Variants in EPB41L1 observed in about 807,000 individuals in gnomAD.
The protein encoded by EPB41L1 is band 4.1-like protein 1.
A neutral mutation model predicts 97.8 loss-of-function variants in EPB41L1; 29 were observed. That is an observed-to-expected ratio of 0.30 (90% CI 0.22 to 0.40). EPB41L1 has a LOEUF of 0.40. Among genes scored for constraint, EPB41L1 ranks in the 10% least tolerant of loss-of-function variants. The probability of loss-of-function intolerance (pLI) is 1.00; values close to 1 mark genes in which losing one functional copy is unlikely to be tolerated. For missense variants in EPB41L1, 812 were observed against 1,162.3 expected, an observed-to-expected ratio of 0.70 and a Z score of 4.38; for synonymous variants, 383 against 459.2, an observed-to-expected ratio of 0.83 and a Z score of 2.12.
At chr20:36,137,291 G>A (rs372353806) in intron 2 of EPB41L1, among the ~76,000 whole-genome samples, 4 of 151,922 alleles carry the variant, frequency 2.6e-5, no homozygotes, top group African/African-American at 9.7e-5. Context: ...GCCCAGGCTG[G>A]TCTCAAACTC....
At chr20:36,214,254 C>A in intron 16 of EPB41L1, 103 bp from the exon 17 acceptor site, 1 of 859,542 alleles carries the variant, frequency 1.2e-6, no homozygotes, top group South Asian at 1.5e-5. Context: ...GATGTTCACT[C>A]ACACAGCCTG....
At chr20:36,144,647 T>C (rs950047295) in intron 2 of EPB41L1, among the ~76,000 whole-genome samples, 3 of 151,982 alleles carry the variant, frequency 2.0e-5, no homozygotes, top group Admixed American at 6.6e-5. Flanking sequence ...GGACAGGAAA[T>C]AGAATGGCTG....
intron 2 of EPB41L1, among the ~76,000 whole-genome samples, chr20:36,148,329 C>T (rs2145403857): frequency 6.6e-6 from 1 of 152,248 alleles, no homozygotes; most frequent in South Asian, 2.1e-4. Flanking sequence ...TATTTCTAGC[C>T]AGAGGAGTTG....
chr20:36,207,805 C>T lies in EPB41L1; in HGVS notation c.1669-1683C>T. 7.8e-7 allele frequency: 1 copy of T among 1,277,872 alleles called. No homozygotes were observed. The highest frequency in any genetic ancestry group is 1.0e-6 in the Non-Finnish European group (1 of 981,608). 79.2% of individuals were successfully genotyped at this position (1,277,872 alleles called of 1,614,324 possible). On this transcript the variant is annotated intron_variant, in intron 14 of 21. Transcript: ENST00000338074. This position sits in a 1 kb window ranked among gnomAD's most constrained non-coding sequence, Gnocchi z 4.9. ...GGTAACTGGCCGCGTGAGCCCCCGC[C>T]CCCACCGCTGCTCCCCGCCCATGGG...
chr20:36,143,997 C>T (rs527830811), intron 2 of EPB41L1, among the ~76,000 whole-genome samples: 13 of 152,110 alleles, frequency 8.5e-5, no homozygotes, highest in East Asian at 5.8e-4. Flanking sequence ...GGACTACAGG[C>T]GCACGCCACC....
In EPB41L1 at chr20:36,155,554, TG is replaced by T. The variant is rs1453025086; in HGVS notation, c.-15+661del. The stretch of plus-strand genomic sequence containing the variant: ...GCCCGAGAGGCTGGGGTCTCAGGGA[TG>T]GGCATGGGGGGCCAATGTCTACAGC... On this transcript the variant is annotated intron_variant, in intron 1 of 21. Coordinates refer to ENST00000338074, the MANE Select transcript of EPB41L1 (RefSeq NM_012156.2). 1.3e-5 allele frequency: 6 copies of T among 455,310 alleles called. 1 individual carries two copies. The highest frequency in any genetic ancestry group is 6.6e-4 in the Middle Eastern group (2 of 3,024). 28.2% of individuals were successfully genotyped at this position (455,310 alleles called of 1,614,324 possible). A position where few individuals can be genotyped will look rare whatever the true frequency, so the allele number is the denominator to read the frequency against.
intron 1 of EPB41L1, among the ~76,000 whole-genome samples, chr20:36,102,413 G>A (rs545485844): frequency 6.6e-6 from 1 of 152,188 alleles, no homozygotes; most frequent in Non-Finnish European, 1.5e-5. Flanking sequence ...TCACCAGGGA[G>A]CCAATGGCAG....
Position 36,232,498 on chromosome 20 carries a change from T to G in EPB41L1, c.*3158T>G, listed in dbSNP as rs1439712228. 5 of 398,168 alleles carry G rather than the reference T, an allele frequency of 1.3e-5. No homozygotes were observed. Among genetic ancestry groups the G allele is most frequent in the Non-Finnish European group, 2.2e-5 (5 of 226,062 alleles). 24.7% of individuals were successfully genotyped at this position (398,168 alleles called of 1,614,324 possible). On this transcript the variant is annotated 3_prime_UTR_variant, in exon 22 of 22. Coordinates refer to ENST00000338074, the MANE Select transcript of EPB41L1 (RefSeq NM_012156.2). ...GTCTTCATTTTCTCTTATTTTGTTT[T>G]CTCTGGATCTTTTCCATCTGAGGGT...
At chr20:36,108,325 G>A (rs1325382659) in intron 1 of EPB41L1, among the ~76,000 whole-genome samples, 10 of 151,974 alleles carry the variant, frequency 6.6e-5, no homozygotes, top group Non-Finnish European at 1.5e-5. Flanking sequence ...GATATATTGG[G>A]TTAAATGAAT....
chr20:36,230,606 C>G lies in EPB41L1; in HGVS notation c.*1266C>G, dbSNP rs2064448337. On this transcript the variant is annotated 3_prime_UTR_variant, in exon 22 of 22. Transcript: ENST00000338074. ...TCCCCAAAATGCCAGTTCAAGACAC[C>G]TTCTCCCTGCCCCCCTGGTAGTAAC... 6.6e-6 allele frequency: 1 copy of G among 152,220 alleles called. No individual in the cohort carries two copies. The highest frequency in any genetic ancestry group is 1.5e-5 in the Non-Finnish European group (1 of 68,112). The allele number at this position is 152,220 out of a possible 1,614,324, so 9.4% of individuals were successfully genotyped here.
At chr20:36,218,837 G>T in intron 17 of EPB41L1, 39 bp from the exon 18 acceptor site, 1 of 1,604,922 alleles carries the variant, frequency 6.2e-7, no homozygotes, top group Non-Finnish European at 8.5e-7. Flanking sequence ...GGGCCCACCC[G>T]GCTGAGAGCT....
chr20:36,140,952 C>G (rs1425521437), intron 2 of EPB41L1, among the ~76,000 whole-genome samples: 3 of 152,170 alleles, frequency 2.0e-5, no homozygotes, highest in African/African-American at 7.2e-5. Context: ...GAGCCTGTTT[C>G]CAAAGCTGGG....
In EPB41L1 at chr20:36,154,874, G is replaced by T; in HGVS notation, c.-37G>T. ...GGGCCGCCCCTCGCCCAACCTGCCC[G>T]ACATGGGGAACCCCGGGCCCAGGTA... On this transcript the variant is annotated 5_prime_UTR_variant, in exon 1 of 22. Transcript: ENST00000338074. The surrounding 1 kb of genome is among the most constrained non-coding windows in gnomAD (Gnocchi z 5.5). 9.8e-7 allele frequency: 1 copy of T among 1,019,646 alleles called. No homozygotes were observed. The highest frequency in any genetic ancestry group is 3.5e-5 in the South Asian group (1 of 28,436). 63.2% of individuals were successfully genotyped at this position (1,019,646 alleles called of 1,614,324 possible).
chr20:36,224,402 C>T (rs975714816), intron 21 of EPB41L1, among the ~76,000 whole-genome samples: 1 of 152,190 alleles, frequency 6.6e-6, no homozygotes, highest in Non-Finnish European at 1.5e-5. Context: ...AATCTCAGCA[C>T]TTTAGGAGGC....
chr20:36,190,392 T>TG lies in EPB41L1; in HGVS notation c.1124+22dup. On this transcript the variant is annotated intron_variant, in intron 10 of 21. Coordinates refer to ENST00000338074, the MANE Select transcript of EPB41L1 (RefSeq NM_012156.2). The surrounding 1 kb of genome is among the most constrained non-coding windows in gnomAD (Gnocchi z 5.8). ...TTCTTCCGGTGAGCCTGACCTTGGATGGGGTAATGGGGATGGGGCAGAGGC... is the reference window on the plus strand; with the variant it reads ...TTCTTCCGGTGAGCCTGACCTTGGATGGGGGTAATGGGGATGGGGCAGAGGC... 6.2e-7 allele frequency: 1 copy of TG among 1,611,846 alleles called. No individual in the cohort carries two copies. The highest frequency in any genetic ancestry group is 8.5e-7 in the Non-Finnish European group (1 of 1,178,546).
chr20:36,219,789 C>T lies in EPB41L1; in HGVS notation c.2384C>T (p.Thr795Ile), dbSNP rs145931690. The change falls in exon 19 of 22, where the codon ACC becomes ATC. Residue 795 changes from threonine (T) to isoleucine (I), a missense_variant. Physicochemically the swap from Thr to Ile is moderately conservative, Grantham distance 89. Coordinates refer to ENST00000338074, the MANE Select transcript of EPB41L1 (RefSeq NM_012156.2). ...ATCGGGAAAGATGTCCTCACCAGCA[C>T]CTACGGCGCCACTGCGGAAACCCTC... is the stretch of plus-strand genomic sequence containing the variant. ...PIIGKDVLTS[T>I]YGATAETLST... is the part of the protein sequence containing the mutation. The T allele has an allele frequency of 4.3e-6, 7 of 1,614,092 alleles. No individual in the cohort carries two copies. The African/African-American group carries it at 8.0e-5, about 18-fold the overall frequency.
intron 2 of EPB41L1, among the ~76,000 whole-genome samples, chr20:36,138,919 TC>T (rs150140159): frequency 0.032 from 4,842 of 152,288 alleles, 284 homozygotes; most frequent in African/African-American, 0.11. Flanking sequence ...GTGTTCACTC[TC>T]TCTGGAAACT....
chr20:36,119,939 G>T (rs2058700576), intron 2 of EPB41L1, among the ~76,000 whole-genome samples: 1 of 152,190 alleles, frequency 6.6e-6, no homozygotes, highest in East Asian at 1.9e-4. Flanking sequence ...TGGTCACACG[G>T]TGAGCCTGAT....
At chr20:36,155,671 A>T (rs1160012866) in intron 1 of EPB41L1, 1 of 455,710 alleles carries the variant, frequency 2.2e-6, no homozygotes, top group African/African-American at 2.0e-5. Flanking sequence ...CTGGACAAGG[A>T]CCAAAAGGGA....
Sources: allele counts gnomAD v4.1 joint callset (sites outside exome capture counted in the v4.1 genomes callset), GRCh38; gene constraint gnomAD v4.1.1; non-coding constraint Gnocchi (gnomAD v3.1); transcripts MANE v1.5; gene names NCBI Gene and HGNC (gene_info 2026-07-23, HGNC 2026-07-21).